Variants in CMIP observed in about 807,000 individuals in gnomAD.
CMIP encodes the protein c-Maf inducing protein.
CMIP carries 13 observed loss-of-function variants against 97.3 expected under a neutral mutation model. The ratio of observed to expected loss-of-function variants is 0.13; its 90% CI spans 0.09 to 0.21. The LOEUF is 0.21. Ranked by LOEUF, CMIP falls within the 10% of genes least tolerant of loss-of-function variation. CMIP has a pLI of 1.00. For synonymous variants in CMIP, 538 were observed against 436.3 expected (o/e 1.23, Z -2.91); for missense variants, 847 against 1,024.9 (o/e 0.83, Z 2.37).
rs531057847 is a variant in CMIP, at chr16:81,448,757, C to T, written c.300+3216C>T. Reference sequence around the variant, plus strand: ...AACAAAGGAGGAAGCAGATAGGCGACAGCTGACTTGGGAGGGGAGATAGGG... The same window carrying T: ...AACAAAGGAGGAAGCAGATAGGCGATAGCTGACTTGGGAGGGGAGATAGGG... On this transcript the variant is annotated intron_variant, in intron 1 of 20. Coordinates refer to ENST00000537098, the MANE Select transcript of CMIP (RefSeq NM_198390.3). 5.9e-5 allele frequency among the ~76,000 whole-genome samples: 9 copies of T among 152,386 alleles called. No homozygotes were observed. The South Asian group carries it at 1.9e-3, about 32-fold the overall frequency.
Position 81,453,972 on chromosome 16 carries a change from C to G in CMIP, c.300+8431C>G, listed in dbSNP as rs1291339556. Among the ~76,000 whole-genome samples the G allele has an allele frequency of 6.6e-6, 1 of 152,148 alleles. No homozygotes were observed. Among genetic ancestry groups the G allele is most frequent in the Non-Finnish European group, 1.5e-5 (1 of 68,030 alleles). On this transcript the variant is annotated intron_variant, in intron 1 of 20. Coordinates refer to ENST00000537098, the MANE Select transcript of CMIP (RefSeq NM_198390.3). The surrounding 1 kb of genome is among the most constrained non-coding windows in gnomAD (Gnocchi z 4.0). Reference sequence around the variant, plus strand: ...GGAGAGCATGGAAGCGATGACTACTCCCACCCCAGCATCCTTGGGATGCAG... The same window carrying G: ...GGAGAGCATGGAAGCGATGACTACTGCCACCCCAGCATCCTTGGGATGCAG...
chr16:81,664,238 C>T (rs2092579087), intron 6 of CMIP, 31 bp from the exon 7 acceptor site: 1 of 1,564,066 alleles, frequency 6.4e-7, no homozygotes, highest in Non-Finnish European at 8.7e-7. Flanking sequence ...ATTCTTAGGG[C>T]CGCAGTAACT....
intron 1 of CMIP, among the ~76,000 whole-genome samples, chr16:81,512,230 G>T (rs148260547): frequency 2.3e-3 from 356 of 152,300 alleles, no homozygotes; most frequent in Non-Finnish European, 4.1e-3. Flanking sequence ...TTTTCGGCAT[G>T]ATTCCTCTCT....
intron 1 of CMIP, among the ~76,000 whole-genome samples, chr16:81,451,718 A>G (rs1906225826): frequency 6.6e-6 from 1 of 152,164 alleles, no homozygotes; most frequent in African/African-American, 2.4e-5. Context: ...ATAGGTGACC[A>G]GGGGGCTCTG....
intron 1 of CMIP, among the ~76,000 whole-genome samples, chr16:81,490,598 C>T (rs2089389744): frequency 1.3e-5 from 2 of 152,066 alleles, no homozygotes; most frequent in African/African-American, 4.8e-5. Flanking sequence ...CTAGCCTGGG[C>T]GACAGAGGGA....
intron 10 of CMIP, among the ~76,000 whole-genome samples, chr16:81,685,386 A>G (rs1905272147): frequency 6.6e-6 from 1 of 152,202 alleles, no homozygotes; most frequent in Non-Finnish European, 1.5e-5. Flanking sequence ...GAACAGGCTC[A>G]GGAGTAACAA....
chr16:81,669,420 A>T (rs1213759041), intron 7 of CMIP, among the ~76,000 whole-genome samples: 7 of 66,394 alleles, frequency 1.1e-4, no homozygotes, highest in Non-Finnish European at 2.3e-4. Context: ...CACCCACTTC[A>T]TACCTCCTTC....
At chr16:81,476,409 G>C (rs772301280) in intron 1 of CMIP, 2 of 1,076,354 alleles carry the variant, frequency 1.9e-6, no homozygotes, top group East Asian at 5.1e-5. Context: ...TGCTCAGAGC[G>C]TGAAAGTTTT....
intron 13 of CMIP, among the ~76,000 whole-genome samples, chr16:81,694,631 T>A (rs528908534): frequency 6.6e-5 from 10 of 152,290 alleles, no homozygotes; most frequent in African/African-American, 2.4e-4. Context: ...CCTGAGGAGC[T>A]TGTTCAAAAG....
intron 1 of CMIP, among the ~76,000 whole-genome samples, chr16:81,479,752 C>T (rs1472884650): frequency 2.0e-5 from 3 of 152,120 alleles, no homozygotes; most frequent in Non-Finnish European, 4.4e-5. Context: ...CATCGTCACC[C>T]CAGAAGGAAA....
At chr16:81,678,251 G>T (rs1427750257) in intron 9 of CMIP, 24 bp from the exon 10 acceptor site, 1 of 1,541,316 alleles carries the variant, frequency 6.5e-7, no homozygotes. Flanking sequence ...GTACTCATGT[G>T]CCCTCTCCCG....
intron 1 of CMIP, among the ~76,000 whole-genome samples, chr16:81,508,324 G>C (rs922658804): frequency 3.3e-5 from 5 of 152,126 alleles, no homozygotes; most frequent in African/African-American, 1.2e-4. Context: ...ACATAATTAG[G>C]TACATAGACG....
chr16:81,488,342 T>C (rs2089352430), intron 1 of CMIP, among the ~76,000 whole-genome samples: 3 of 152,218 alleles, frequency 2.0e-5, no homozygotes, highest in Admixed American at 2.0e-4. Context: ...AGAGTCCCTG[T>C]GCCTCAGTTT....
chr16:81,547,549 C>CT (rs1381069803), intron 1 of CMIP, among the ~76,000 whole-genome samples: 9 of 152,012 alleles, frequency 5.9e-5, no homozygotes, highest in African/African-American at 2.2e-4. Context: ...GTAGCTGGGC[C>CT]TTGGAGACAA....
At chr16:81,681,137 C>T (rs1904834642) in intron 10 of CMIP, among the ~76,000 whole-genome samples, 1 of 152,202 alleles carries the variant, frequency 6.6e-6, no homozygotes, top group African/African-American at 2.4e-5. Context: ...GAGCAGGTCA[C>T]GCCTATCCCC....
At chr16:81,520,793 G>C (rs779466050) in intron 1 of CMIP, among the ~76,000 whole-genome samples, 1 of 152,148 alleles carries the variant, frequency 6.6e-6, no homozygotes, top group Admixed American at 6.5e-5. Context: ...CCTCATTCCT[G>C]TGTAAAATGG....
At chr16:81,654,712 T>C (rs1156307668) in intron 4 of CMIP, among the ~76,000 whole-genome samples, 2 of 152,192 alleles carry the variant, frequency 1.3e-5, no homozygotes, top group East Asian at 3.9e-4. Context: ...TATAGAGGAG[T>C]AACCAGGGGT....
At chr16:81,623,439 C>T (rs1444262632) in intron 3 of CMIP, among the ~76,000 whole-genome samples, 2 of 152,160 alleles carry the variant, frequency 1.3e-5, no homozygotes, top group Non-Finnish European at 2.9e-5. Context: ...GTGTGCTGGC[C>T]CACTTGCCAG....
intron 1 of CMIP, among the ~76,000 whole-genome samples, chr16:81,467,765 G>A (rs951023385): frequency 2.0e-5 from 3 of 151,310 alleles, no homozygotes; most frequent in Admixed American, 1.3e-4. Flanking sequence ...ATTTTTATTA[G>A]CAATGGGGTT....
Sources: allele counts gnomAD v4.1 joint callset (sites outside exome capture counted in the v4.1 genomes callset), GRCh38; gene constraint gnomAD v4.1.1; non-coding constraint Gnocchi (gnomAD v3.1); transcripts MANE v1.5; gene names NCBI Gene and HGNC (gene_info 2026-07-23, HGNC 2026-07-21).